Variants in SMARCC1 observed in about 807,000 individuals in gnomAD.
The protein encoded by SMARCC1 is SWI/SNF related BAF chromatin remodeling complex subunit C1.
A neutral mutation model predicts 147.4 loss-of-function variants in SMARCC1; 43 were observed. That is an observed-to-expected ratio of 0.29 (90% CI 0.23 to 0.38). SMARCC1 has a LOEUF of 0.38. SMARCC1 is among the 10% of genes least tolerant of loss of function. SMARCC1 has a pLI of 1.00. For synonymous variants in SMARCC1, 495 were observed against 484.4 expected (o/e 1.02, Z -0.29); for missense variants, 1,119 against 1,381.1 (o/e 0.81, Z 3.01).
intron 2 of SMARCC1, among the ~76,000 whole-genome samples, chr3:47,769,619 A>G (rs908112435): frequency 6.6e-6 from 1 of 152,084 alleles, no homozygotes; most frequent in African/African-American, 2.4e-5. Context: ...TCAAGACACA[A>G]TTCAAATGTC....
intron 2 of SMARCC1, among the ~76,000 whole-genome samples, chr3:47,751,985 G>A (rs971474572): frequency 2.0e-5 from 3 of 152,138 alleles, no homozygotes; most frequent in African/African-American, 7.2e-5. Flanking sequence ...TCAGGAGGCT[G>A]AGGCAGGAGA....
intron 25 of SMARCC1, among the ~76,000 whole-genome samples, chr3:47,613,836 T>A (rs1484968984): frequency 1.3e-5 from 2 of 152,082 alleles, no homozygotes; most frequent in African/African-American, 4.8e-5. Context: ...CTCTTCACTG[T>A]GTATGTATAA....
intron 18 of SMARCC1, among the ~76,000 whole-genome samples, chr3:47,673,076 A>T (rs899137214): frequency 2.0e-5 from 3 of 152,042 alleles, no homozygotes; most frequent in African/African-American, 7.2e-5. Flanking sequence ...CTTTCATATG[A>T]TTTTAAAATA....
chr3:47,671,040 C>G (rs1236875510), intron 18 of SMARCC1, among the ~76,000 whole-genome samples: 1 of 151,518 alleles, frequency 6.6e-6, no homozygotes, highest in East Asian at 1.9e-4. Context: ...CAAAAATTAG[C>G]CGAGAGTGGT....
chr3:47,674,765 T>G (rs964509591), intron 18 of SMARCC1, among the ~76,000 whole-genome samples: 1 of 152,162 alleles, frequency 6.6e-6, no homozygotes, highest in Non-Finnish European at 1.5e-5. Flanking sequence ...TCTTGTTTTG[T>G]GAGTTGGTAT....
Position 47,590,643 on chromosome 3 carries a change from C to T in SMARCC1, c.3220+18G>A. On this transcript the variant is annotated intron_variant, in intron 27 of 27. Transcript: ENST00000254480. ...GAACGGACCCTGAGATAATGCATCC[C>T]CCCTCCATGTTACTTACACATGCCG... 6.7e-7 allele frequency: 1 copy of T among 1,493,626 alleles called. No homozygotes were observed. Among genetic ancestry groups the T allele is most frequent in the Non-Finnish European group, 8.9e-7 (1 of 1,126,672 alleles). The allele number at this position is 1,493,626 out of a possible 1,614,324, so 92.5% of individuals were successfully genotyped here. A position where few individuals can be genotyped will look rare whatever the true frequency, so the allele number is the denominator to read the frequency against.
intron 19 of SMARCC1, chr3:47,663,505 G>A (rs1191535247): frequency 1.7e-5 from 12 of 702,304 alleles, no homozygotes; most frequent in Non-Finnish European, 2.7e-5. Flanking sequence ...CAGCTACTCA[G>A]GGGGCTGAGG....
At chr3:47,643,258 T>C (rs2033072556) in intron 21 of SMARCC1, among the ~76,000 whole-genome samples, 1 of 152,214 alleles carries the variant, frequency 6.6e-6, no homozygotes, top group Non-Finnish European at 1.5e-5. Context: ...TATCTTGGCG[T>C]GTCGGCTGGT....
intron 2 of SMARCC1, among the ~76,000 whole-genome samples, chr3:47,754,618 A>G (rs541133460): frequency 6.6e-6 from 1 of 152,330 alleles, no homozygotes; most frequent in African/African-American, 2.4e-5. Flanking sequence ...AATGTTGGGT[A>G]AAAGTAACAC....
intron 14 of SMARCC1, among the ~76,000 whole-genome samples, chr3:47,683,651 G>A (rs192781802): frequency 2.0e-5 from 3 of 151,644 alleles, no homozygotes; most frequent in East Asian, 2.0e-4. Context: ...TCAGGAGTTC[G>A]AGACCAGCCT....
intron 2 of SMARCC1, among the ~76,000 whole-genome samples, chr3:47,771,382 AAGAT>A (rs2034912583): frequency 6.6e-6 from 1 of 152,216 alleles, no homozygotes; most frequent in Non-Finnish European, 1.5e-5. Flanking sequence ...ATTATGAGGA[AAGAT>A]ATGACAGACA....
At chr3:47,746,078 A>G (rs1209597789) in intron 2 of SMARCC1, 85 bp from the exon 3 acceptor site, 18 of 820,640 alleles carry the variant, frequency 2.2e-5, no homozygotes, top group Non-Finnish European at 2.7e-5. Flanking sequence ...TATAAATTCA[A>G]ATATATAAAC....
chr3:47,620,603 C>T (rs1051253210), intron 25 of SMARCC1, among the ~76,000 whole-genome samples: 7 of 152,122 alleles, frequency 4.6e-5, no homozygotes, highest in Admixed American at 3.3e-4. Flanking sequence ...TCCACTCTCA[C>T]TTTTGGCCCT....
chr3:47,621,458 T>C (rs149803129), intron 25 of SMARCC1, among the ~76,000 whole-genome samples: 204 of 152,270 alleles, frequency 1.3e-3, no homozygotes, highest in African/African-American at 4.6e-3. Context: ...ATATATACTA[T>C]GAAATACTAC....
chr3:47,729,543 G>A (rs999639410), intron 5 of SMARCC1, among the ~76,000 whole-genome samples: 2 of 152,056 alleles, frequency 1.3e-5, no homozygotes, highest in African/African-American at 2.4e-5. Flanking sequence ...CCGCCAGCAC[G>A]CCTGGCTAAT....
intron 14 of SMARCC1, among the ~76,000 whole-genome samples, chr3:47,682,937 A>G (rs563198606): frequency 3.0e-4 from 45 of 152,384 alleles, no homozygotes; most frequent in Non-Finnish European, 5.3e-4. Context: ...AAAATAATTA[A>G]AGAGAGTAAC....
intron 27 of SMARCC1, among the ~76,000 whole-genome samples, chr3:47,589,222 G>C (rs1383081376): frequency 6.6e-6 from 1 of 152,182 alleles, no homozygotes; most frequent in Non-Finnish European, 1.5e-5. Flanking sequence ...GGCCTACCTA[G>C]TATCCTAGAA....
chr3:47,702,675 T>C (rs181117383), intron 10 of SMARCC1, among the ~76,000 whole-genome samples: 146 of 152,358 alleles, frequency 9.6e-4, no homozygotes, highest in African/African-American at 3.4e-3. Flanking sequence ...CACAGGTCAC[T>C]GCATCCTTGA....
intron 2 of SMARCC1, among the ~76,000 whole-genome samples, chr3:47,768,121 T>C (rs1362233640): frequency 6.6e-6 from 1 of 152,184 alleles, no homozygotes; most frequent in Non-Finnish European, 1.5e-5. Context: ...ATTACAGGTG[T>C]GAGCCATGCC....
Sources: allele counts gnomAD v4.1 joint callset (sites outside exome capture counted in the v4.1 genomes callset), GRCh38; gene constraint gnomAD v4.1.1; transcripts MANE v1.5; gene names NCBI Gene and HGNC (gene_info 2026-07-23, HGNC 2026-07-21).